The following TATDN1 variants were observed in gnomAD, a reference collection of about 807,000 sequenced individuals.
TATDN1 encodes deoxyribonuclease TATDN1.
In TATDN1, 40 loss-of-function variants were observed where a neutral mutation model predicts 46.4. The observed-to-expected ratio is 0.86, with a 90% CI of 0.67 to 1.12. The LOEUF (loss-of-function observed/expected upper bound fraction) is 1.12. Among genes scored for constraint, TATDN1 ranks in the 50% most tolerant of loss-of-function variants. The pLI, the probability that TATDN1 is intolerant of heterozygous loss-of-function variation, is 0.00. For missense variants in TATDN1, 326 were observed against 348.4 expected, an observed-to-expected ratio of 0.94 and a Z score of 0.51; for synonymous variants, 95 against 105.6, an observed-to-expected ratio of 0.90 and a Z score of 0.62.
chr8:124,511,802 T>C (rs1332923680), intron 6 of TATDN1, among the ~76,000 whole-genome samples: 1 of 152,162 alleles, frequency 6.6e-6, no homozygotes, highest in African/African-American at 2.4e-5. Flanking sequence ...ATGAGGAATG[T>C]AACAACAGCC....
At chr8:124,529,226 TC>T (rs1428516733) in intron 1 of TATDN1, among the ~76,000 whole-genome samples, 2 of 152,202 alleles carry the variant, frequency 1.3e-5, no homozygotes, top group Non-Finnish European at 2.9e-5. Flanking sequence ...TAAAAGATTC[TC>T]CTGTTTCAAC....
At chr8:124,526,394 T>A (rs983718524) in intron 1 of TATDN1, among the ~76,000 whole-genome samples, 3 of 152,180 alleles carry the variant, frequency 2.0e-5, no homozygotes, top group African/African-American at 7.2e-5. Flanking sequence ...GCATGTAAAC[T>A]CAAACAAACT....
intron 6 of TATDN1, among the ~76,000 whole-genome samples, chr8:124,513,953 G>A (rs78435893): frequency 5.3e-5 from 8 of 152,158 alleles, no homozygotes; most frequent in Non-Finnish European, 8.8e-5. Flanking sequence ...CATAATATTC[G>A]ACAGAGGTAT....
chr8:124,499,948 G>A (rs909063255), intron 9 of TATDN1, among the ~76,000 whole-genome samples: 2 of 147,570 alleles, frequency 1.4e-5, no homozygotes, highest in Admixed American at 6.8e-5. Context: ...GGGTTCAAAC[G>A]ATTCTCCTGC....
intron 11 of TATDN1, among the ~76,000 whole-genome samples, chr8:124,492,529 T>TGGGAGGCTGAGGTC (rs1315810506): frequency 6.6e-6 from 1 of 151,896 alleles, no homozygotes; most frequent in Admixed American, 6.6e-5. Flanking sequence ...CCTAGCACTT[T>TGGGAGGCTGAGGTC]GGGAGGCTGA....
intron 1 of TATDN1, among the ~76,000 whole-genome samples, chr8:124,529,265 G>A (rs571351262): frequency 5.3e-5 from 8 of 152,078 alleles, no homozygotes; most frequent in East Asian, 1.9e-4. Context: ...CCTAAATCCC[G>A]CAACAATGTG....
intron 11 of TATDN1, among the ~76,000 whole-genome samples, chr8:124,492,896 T>C (rs1817146478): frequency 6.6e-6 from 1 of 152,166 alleles, no homozygotes; most frequent in African/African-American, 2.4e-5. Flanking sequence ...CTTGAACTCC[T>C]GAGCTCAAGC....
intron 8 of TATDN1, among the ~76,000 whole-genome samples, chr8:124,504,936 G>A (rs1020176667): frequency 6.8e-6 from 1 of 147,196 alleles, no homozygotes; most frequent in African/African-American, 2.5e-5. Flanking sequence ...TTTTTTTTTA[G>A]TAGAGATGGG....
intron 11 of TATDN1, among the ~76,000 whole-genome samples, chr8:124,493,457 TGC>T (rs1817196390): frequency 6.6e-6 from 1 of 152,134 alleles, no homozygotes; most frequent in Non-Finnish European, 1.5e-5. Context: ...AAATAAAACG[TGC>T]TAAAGTCCCA....
At chr8:124,534,423 GA>G (rs1159127222) in intron 1 of TATDN1, among the ~76,000 whole-genome samples, 1 of 152,076 alleles carries the variant, frequency 6.6e-6, no homozygotes, top group African/African-American at 2.4e-5. Flanking sequence ...TGTGAGATAG[GA>G]AAAAATGCAA....
At chr8:124,518,633 T>C in intron 4 of TATDN1, 185 bp downstream of exon 4, 1 of 567,204 alleles carries the variant, frequency 1.8e-6, no homozygotes, top group Non-Finnish European at 3.2e-6. Context: ...AACAGTTTTA[T>C]AAACATCTGA....
intron 9 of TATDN1, among the ~76,000 whole-genome samples, chr8:124,495,767 G>A (rs1817414527): frequency 6.6e-6 from 1 of 152,154 alleles, no homozygotes; most frequent in Non-Finnish European, 1.5e-5. Flanking sequence ...ATGCTTATTA[G>A]TTGGTTTCCA....
chr8:124,511,097 C>T (rs1471849463), intron 6 of TATDN1, among the ~76,000 whole-genome samples: 1 of 152,156 alleles, frequency 6.6e-6, no homozygotes, highest in Non-Finnish European at 1.5e-5. Flanking sequence ...AGAGACTTCT[C>T]TGCCTGTTTT....
intron 1 of TATDN1, among the ~76,000 whole-genome samples, chr8:124,536,854 T>C (rs1430877181): frequency 1.3e-5 from 2 of 151,962 alleles, no homozygotes; most frequent in African/African-American, 4.8e-5. Flanking sequence ...TCAGAGTAAG[T>C]CATATACCAA....
intron 1 of TATDN1, among the ~76,000 whole-genome samples, chr8:124,534,500 T>C (rs1326054245): frequency 6.6e-6 from 1 of 152,156 alleles, no homozygotes; most frequent in Non-Finnish European, 1.5e-5. Context: ...TTGTTTTAAG[T>C]AGAGATGGGG....
At chr8:124,504,625 G>A (rs1818244162) in intron 8 of TATDN1, 1 of 258,466 alleles carries the variant, frequency 3.9e-6, no homozygotes, top group Non-Finnish European at 7.2e-6. Flanking sequence ...TAGTGCAGAA[G>A]CTCCAGGAAG....
At chr8:124,528,207 T>G (rs994473975) in intron 1 of TATDN1, among the ~76,000 whole-genome samples, 5 of 152,022 alleles carry the variant, frequency 3.3e-5, no homozygotes, top group African/African-American at 1.2e-4. Context: ...GGAGTCTCGC[T>G]CTGTCACCCA....
At chr8:124,519,697 G>A (rs1819860375) in intron 3 of TATDN1, among the ~76,000 whole-genome samples, 1 of 152,166 alleles carries the variant, frequency 6.6e-6, no homozygotes, top group African/African-American at 2.4e-5. Context: ...AGAGCAAAAG[G>A]TTTGAGAATC....
intron 8 of TATDN1, among the ~76,000 whole-genome samples, chr8:124,505,110 C>T (rs916554197): frequency 6.0e-5 from 9 of 151,030 alleles, no homozygotes; most frequent in South Asian, 2.1e-4. Context: ...CTGGGCCAGG[C>T]GCAATGGCTC....
Sources: gnomAD v4.1 joint callset for allele counts (sites outside exome capture counted in the v4.1 genomes callset) on GRCh38, gnomAD v4.1.1 for gene constraint, MANE v1.5 for transcripts, NCBI Gene and HGNC (gene_info 2026-07-23, HGNC 2026-07-21) for gene names.